RPSA2: variants seen among roughly 807,000 people sequenced by gnomAD.
The protein encoded by RPSA2 is ribosomal protein SA 2, also known as small ribosomal subunit protein uS2B.
At chr19:23,769,455 T>C in the RPSA2 span, among the ~76,000 whole-genome samples, 2 of 152,196 alleles carry the variant, frequency 1.3e-5, no homozygotes, top group Non-Finnish European at 1.5e-5. Flanking sequence ...GTGATTCAAC[T>C]GCCTCAGCCT....
At chr19:23,789,763 G>T in the RPSA2 span, among the ~76,000 whole-genome samples, 2 of 150,986 alleles carry the variant, frequency 1.3e-5, no homozygotes, top group Non-Finnish European at 1.5e-5. Flanking sequence ...AGGCTGGACT[G>T]CAGTGGCACA....
the RPSA2 span, among the ~76,000 whole-genome samples, chr19:23,760,668 TA>T: frequency 2.8e-3 from 203 of 73,130 alleles, 1 homozygote; most frequent in South Asian, 6.7e-3. Flanking sequence ...TATATATATA[TA>T]TTTTTTTTTT....
chr19:23,863,497 G>T, the RPSA2 span, among the ~76,000 whole-genome samples: 147 of 151,474 alleles, frequency 9.7e-4, no homozygotes, highest in African/African-American at 3.1e-3. Flanking sequence ...TCAGGAGGTG[G>T]GTGTTGCAGT....
At chr19:23,854,361 C>T in the RPSA2 span, among the ~76,000 whole-genome samples, 1 of 152,162 alleles carries the variant, frequency 6.6e-6, no homozygotes. Context: ...ACTGCTCCAC[C>T]CCCCTACTGT....
chr19:23,829,811 C>G, the RPSA2 span, among the ~76,000 whole-genome samples: 1 of 152,020 alleles, frequency 6.6e-6, no homozygotes, highest in African/African-American at 2.4e-5. Context: ...GATTTCTATT[C>G]TTTTATTGTT....
the RPSA2 span, among the ~76,000 whole-genome samples, chr19:23,870,916 C>A: frequency 1.3e-5 from 2 of 152,176 alleles, no homozygotes; most frequent in Non-Finnish European, 2.9e-5. Flanking sequence ...ACATCTGCAC[C>A]TGACACTGGA....
chr19:23,785,120 C>T, the RPSA2 span, among the ~76,000 whole-genome samples: 1 of 152,194 alleles, frequency 6.6e-6, no homozygotes, highest in Non-Finnish European at 1.5e-5. Context: ...CTCTGCACCT[C>T]AAAAGAAGTG....
At chr19:23,799,444 G>C in the RPSA2 span, 1 of 152,200 alleles carries the variant, frequency 6.6e-6, no homozygotes, top group Non-Finnish European at 1.5e-5. Flanking sequence ...TATTGTGAAG[G>C]TGCAGTTCTA....
At chr19:23,833,763 C>G in the RPSA2 span, among the ~76,000 whole-genome samples, 1 of 152,004 alleles carries the variant, frequency 6.6e-6, no homozygotes, top group Non-Finnish European at 1.5e-5. Context: ...GAAAATATGT[C>G]TTTAAAGTGC....
At chr19:23,869,126 G>A in the RPSA2 span, among the ~76,000 whole-genome samples, 1 of 152,200 alleles carries the variant, frequency 6.6e-6, no homozygotes, top group Non-Finnish European at 1.5e-5. Context: ...CCTGTACTTT[G>A]GAGTGACACT....
At chr19:23,802,219 ATC>A in the RPSA2 span, among the ~76,000 whole-genome samples, 420 of 152,326 alleles carry the variant, frequency 2.8e-3, 1 homozygote, top group African/African-American at 9.6e-3. Context: ...TGATGGCAGA[ATC>A]TCTAAGTGTA....
chr19:23,802,866 C>T, the RPSA2 span, among the ~76,000 whole-genome samples: 2 of 151,912 alleles, frequency 1.3e-5, no homozygotes, highest in African/African-American at 2.4e-5. Flanking sequence ...TATATTTGCA[C>T]CATTTTCTTT....
the RPSA2 span, among the ~76,000 whole-genome samples, chr19:23,764,003 G>A: frequency 1.3e-5 from 2 of 152,106 alleles, no homozygotes; most frequent in Admixed American, 6.5e-5. Flanking sequence ...TGTAATCAGA[G>A]GTTAATTGCA....
chr19:23,816,669 C>T, the RPSA2 span, among the ~76,000 whole-genome samples: 1 of 152,092 alleles, frequency 6.6e-6, no homozygotes, highest in Admixed American at 6.6e-5. Flanking sequence ...CTGATAAAAA[C>T]GTACCTTACC....
chr19:23,767,470 C>G, the RPSA2 span, among the ~76,000 whole-genome samples: 3 of 152,102 alleles, frequency 2.0e-5, no homozygotes, highest in Non-Finnish European at 2.9e-5. Flanking sequence ...GATTTTTGTT[C>G]TCTGGATTCT....
chr19:23,790,881 G>A, the RPSA2 span: 1 of 502,450 alleles, frequency 2.0e-6, no homozygotes, highest in Non-Finnish European at 3.6e-6. Flanking sequence ...TCCACAATCT[G>A]CACCCTGAGT....
the RPSA2 span, among the ~76,000 whole-genome samples, chr19:23,857,507 TGAGA>T: frequency 7.9e-4 from 102 of 128,518 alleles, no homozygotes; most frequent in African/African-American, 1.5e-3. Flanking sequence ...TTTTTTTTTT[TGAGA>T]TGGAGTTTTG....
chr19:23,820,245 C>T, the RPSA2 span, among the ~76,000 whole-genome samples: 11 of 152,116 alleles, frequency 7.2e-5, no homozygotes, highest in African/African-American at 2.2e-4. Flanking sequence ...GGCAGTGAGC[C>T]GTGGCACATA....
the RPSA2 span, among the ~76,000 whole-genome samples, chr19:23,789,019 C>CTTTTTTTTTTTTTTTTTTTT: frequency 2.1e-4 from 24 of 112,622 alleles, 5 homozygotes; most frequent in Non-Finnish European, 2.4e-4. Context: ...TTTTTTCTTT[C>CTTTTTTTTTTTTTTTTTTTT]TTTCTTTTTT....
Sources: allele counts gnomAD v4.1 joint callset (sites outside exome capture counted in the v4.1 genomes callset), GRCh38; gene constraint gnomAD v4.1.1; transcripts MANE v1.5; gene names NCBI Gene and HGNC (gene_info 2026-07-23, HGNC 2026-07-21).